The following SHLD2 variants were observed in gnomAD, a reference collection of about 807,000 sequenced individuals.
SHLD2 encodes RINN1-REV7-interacting novel NHEJ regulator 2.
Under a neutral mutation model 73.2 loss-of-function variants are expected in SHLD2, and 30 were observed. The observed-to-expected ratio is 0.41, with a 90% confidence interval of 0.31 to 0.56. The LOEUF is 0.56. Ranked by LOEUF, SHLD2 falls within the 20% of genes least tolerant of loss-of-function variation. The probability of loss-of-function intolerance (pLI) is 0.28; values close to 1 mark genes in which losing one functional copy is unlikely to be tolerated. For missense variants in SHLD2, 745 were observed against 1,055.9 expected (o/e 0.71, Z 4.08); for synonymous variants, 285 against 370.1 (o/e 0.77, Z 2.64).
At chr10:87,101,550 C>T (rs1355960274) in intron 2 of SHLD2, among the ~76,000 whole-genome samples, 1 of 152,294 alleles carries the variant, frequency 6.6e-6, no homozygotes, top group Non-Finnish European at 1.5e-5. Flanking sequence ...TGTGCACCAC[C>T]TCGCCTGGCT....
At chr10:87,181,644 T>C (rs1256447805) in intron 8 of SHLD2, among the ~76,000 whole-genome samples, 1 of 151,162 alleles carries the variant, frequency 6.6e-6, no homozygotes, top group Non-Finnish European at 1.5e-5. Flanking sequence ...ATAACTAGTA[T>C]GAGGTATTTA....
At chr10:87,187,716 G>A (rs11816262) in intron 9 of SHLD2, among the ~76,000 whole-genome samples, 24,379 of 152,072 alleles carry the variant, frequency 0.16, 2,060 homozygotes, top group African/African-American at 0.19. Flanking sequence ...ATTGTTTTTC[G>A]TGTATTTTTT....
intron 2 of SHLD2, among the ~76,000 whole-genome samples, chr10:87,142,072 T>C (rs1444860081): frequency 6.6e-6 from 1 of 151,854 alleles, no homozygotes; most frequent in Non-Finnish European, 1.5e-5. Flanking sequence ...CATAAGTACG[T>C]ACAATTACAA....
chr10:87,149,527 A>G (rs1845864440), intron 2 of SHLD2, among the ~76,000 whole-genome samples: 1 of 151,816 alleles, frequency 6.6e-6, no homozygotes, highest in South Asian at 2.1e-4. Context: ...GTTTGCGACC[A>G]GCCTGGCCAA....
intron 2 of SHLD2, among the ~76,000 whole-genome samples, chr10:87,131,104 T>C (rs1176414070): frequency 6.6e-6 from 1 of 152,118 alleles, no homozygotes; most frequent in Non-Finnish European, 1.5e-5. Flanking sequence ...ACCTTATTAG[T>C]ATTTTAGCAC....
intron 2 of SHLD2, among the ~76,000 whole-genome samples, chr10:87,121,430 T>A (rs1843611807): frequency 6.6e-6 from 1 of 152,146 alleles, no homozygotes; most frequent in Non-Finnish European, 1.5e-5. Flanking sequence ...GCCTGAATCC[T>A]GGCTTTTGAA....
chr10:87,163,965 T>TC (rs1168464061), intron 4 of SHLD2, among the ~76,000 whole-genome samples: 30 of 150,512 alleles, frequency 2.0e-4, no homozygotes, highest in African/African-American at 7.0e-4. Flanking sequence ...TCTTTTCTTT[T>TC]TTTTTTTTTT....
At chr10:87,184,993 C>G (rs1421228241) in intron 8 of SHLD2, among the ~76,000 whole-genome samples, 1 of 152,170 alleles carries the variant, frequency 6.6e-6, no homozygotes, top group Non-Finnish European at 1.5e-5. Context: ...ATTCCCAGGG[C>G]TGTGTAGCTA....
rs1849037271 is a variant in SHLD2, at chr10:87,191,107, TTATAAC to T, written c.*430_*435del. Reference sequence around the variant, plus strand: ...CGTCAATGTGAAATCATTTCCTTGATTATAACTATAATGATAATGGATTAGTTTATA... The same window carrying T: ...CGTCAATGTGAAATCATTTCCTTGATTATAATGATAATGGATTAGTTTATA... On this transcript the variant is annotated 3_prime_UTR_variant, in exon 10 of 10. Coordinates refer to ENST00000298786, the MANE Select transcript of SHLD2 (RefSeq NM_001330112.2). The T allele has an allele frequency of 9.5e-6, 2 of 210,218 alleles. No homozygotes were observed. Among genetic ancestry groups the T allele is most frequent in the Non-Finnish European group, 1.9e-5 (2 of 104,334 alleles). 13.0% of individuals were successfully genotyped at this position (210,218 alleles called of 1,614,324 possible). A position where few individuals can be genotyped will look rare whatever the true frequency, so the allele number is the denominator to read the frequency against.
intron 2 of SHLD2, among the ~76,000 whole-genome samples, chr10:87,122,999 A>G (rs1843732764): frequency 6.6e-6 from 1 of 152,128 alleles, no homozygotes; most frequent in Non-Finnish European, 1.5e-5. Context: ...GGATGGTCTC[A>G]AACTCCTGAA....
At chr10:87,125,038 T>C (rs1006395315) in intron 2 of SHLD2, among the ~76,000 whole-genome samples, 2 of 152,196 alleles carry the variant, frequency 1.3e-5, no homozygotes, top group African/African-American at 4.8e-5. Flanking sequence ...CCACCATGCC[T>C]GTCCTATGAA....
intron 2 of SHLD2, among the ~76,000 whole-genome samples, chr10:87,104,611 A>G (rs1842482100): frequency 6.6e-6 from 1 of 152,114 alleles, no homozygotes; most frequent in African/African-American, 2.4e-5. Flanking sequence ...AAAGAAAATG[A>G]AAATAAAAAT....
At chr10:87,147,593 T>C (rs1403383669) in intron 2 of SHLD2, among the ~76,000 whole-genome samples, 1 of 152,082 alleles carries the variant, frequency 6.6e-6, no homozygotes, top group Non-Finnish European at 1.5e-5. Flanking sequence ...TTAAACATTT[T>C]GGAGATTACC....
At chr10:87,108,341 G>A (rs1422575725) in intron 2 of SHLD2, among the ~76,000 whole-genome samples, 3 of 152,056 alleles carry the variant, frequency 2.0e-5, no homozygotes, top group East Asian at 1.9e-4. Flanking sequence ...GAGCCACTGC[G>A]TTCAGCCTAA....
Position 87,180,307 on chromosome 10 carries a change from A to G in SHLD2, c.2399+4A>G. On this transcript the variant is annotated splice_donor_region_variant and intron_variant, in intron 8 of 9. Transcript: ENST00000298786. ...CTATGAAGAAAATATATTATAGGTA[A>G]GGCAACTAAGCAAGCCAATTTGATG... 2 of 1,600,546 alleles carry G rather than the reference A, an allele frequency of 1.2e-6. No individual in the cohort carries two copies. The highest frequency in any genetic ancestry group is 1.7e-6 in the Non-Finnish European group (2 of 1,171,942).
At position 87,175,941 on chromosome 10, in the gene SHLD2, A is replaced by G; in HGVS notation, c.2016A>G (p.Glu672=). Reference sequence around the variant, plus strand: ...TTGTTCAGTGCAATTACACACTAGAAAACCTAGAATTGCATACAACGCCTT... The same window carrying G: ...TTGTTCAGTGCAATTACACACTAGAGAACCTAGAATTGCATACAACGCCTT... ...YLFVQCNYTL[E]NLELHTTPWS... is the part of the protein sequence containing the mutation. The change falls in exon 7 of 10, where the codon GAA becomes GAG. Residue 672 remains glutamate, a synonymous_variant. Coordinates refer to ENST00000298786, the MANE Select transcript of SHLD2 (RefSeq NM_001330112.2). The G allele has an allele frequency of 1.3e-6, 2 of 1,550,796 alleles. No homozygotes were observed. The highest frequency in any genetic ancestry group is 1.7e-6 in the Non-Finnish European group (2 of 1,146,942).
rs1414066749 is a variant in SHLD2, at chr10:87,151,271, T to C, written c.-5-79T>C. ...GTTTTTGACTCAGTTATATTTTCTT[T>C]TGGTACATTATTAAGTTAATATCCA... On this transcript the variant is annotated intron_variant, in intron 2 of 9. Coordinates refer to ENST00000298786, the MANE Select transcript of SHLD2 (RefSeq NM_001330112.2). 1.1e-5 allele frequency: 7 copies of C among 665,414 alleles called. No individual in the cohort carries two copies. In the Admixed American group the frequency reaches 2.0e-4, roughly 19 times the overall value. The allele number at this position is 665,414 out of a possible 1,614,324, so 41.2% of individuals were successfully genotyped here.
intron 2 of SHLD2, among the ~76,000 whole-genome samples, chr10:87,102,139 T>C (rs1842306874): frequency 6.6e-6 from 1 of 152,196 alleles, no homozygotes; most frequent in South Asian, 2.1e-4. Context: ...TTTACCAATC[T>C]CTTATTGATG....
intron 2 of SHLD2, among the ~76,000 whole-genome samples, chr10:87,143,837 G>A (rs1228927672): frequency 2.0e-5 from 3 of 148,198 alleles, no homozygotes; most frequent in Non-Finnish European, 4.5e-5. Context: ...CAGAAGGCAT[G>A]TTCACCTTAT....
Sources: gnomAD v4.1 joint callset for allele counts (sites outside exome capture counted in the v4.1 genomes callset) on GRCh38, gnomAD v4.1.1 for gene constraint, MANE v1.5 for transcripts, NCBI Gene and HGNC (gene_info 2026-07-23, HGNC 2026-07-21) for gene names.